CIRBP: variants seen among roughly 807,000 people sequenced by gnomAD.
The protein encoded by CIRBP is cold inducible RNA binding protein, also known as cold-inducible RNA-binding protein.
Under a neutral mutation model 22.3 loss-of-function variants are expected in CIRBP, and 11 were observed. The ratio of observed to expected loss-of-function variants is 0.49; its 90% CI spans 0.31 to 0.82. The LOEUF is 0.82. CIRBP is among the 40% of genes least tolerant of loss of function. The pLI, the probability that CIRBP is intolerant of heterozygous loss-of-function variation, is 0.05. For missense variants in CIRBP, 456 were observed against 402.7 expected, an observed-to-expected ratio of 1.13 and a Z score of -1.13; for synonymous variants, 216 against 158.8, an observed-to-expected ratio of 1.36 and a Z score of -2.71.
chr19:1,270,039 A>C, intron 1 of CIRBP: 1 of 519,856 alleles, frequency 1.9e-6, no homozygotes, highest in Non-Finnish European at 3.8e-6. Flanking sequence ...CAGCCAGTGA[A>C]TGCTTTGTCT....
In CIRBP at chr19:1,271,071, G is replaced by C. The variant is rs770727594; in HGVS notation, c.103+35G>C. ...CTGCTGGGCCCGCGGCCCTGGGCGG[G>C]GGGGCTTGTGCTCCTCCTACCTGGA... On this transcript the variant is annotated intron_variant, in intron 2 of 5. Transcript: ENST00000587896. 3.0e-5 allele frequency: 48 copies of C among 1,611,188 alleles called. 1 individual carries two copies. Among genetic ancestry groups the C allele is most frequent in the Middle Eastern group, 1.7e-4 (1 of 6,060 alleles).
chr19:1,269,878 C>G (rs767997861), intron 1 of CIRBP: 1 of 519,912 alleles, frequency 1.9e-6, no homozygotes, highest in Non-Finnish European at 3.8e-6. Context: ...AAAGGACGGC[C>G]TCGTAAATCT....
Position 1,272,227 on chromosome 19 carries a change from T to C in CIRBP, c.678T>C (p.Asn226=), listed in dbSNP as rs1439844837. Reference sequence around the variant, plus strand: ...TCTATCGCAGGACGCAAAAGCCAAATGAGACTGACCAAAAAGGCAAGGGAG... The same window carrying C: ...TCTATCGCAGGACGCAAAAGCCAAACGAGACTGACCAAAAAGGCAAGGGAG... ...SHFYRRTQKP[N]ETDQKGKGER... Residue 226 remains asparagine (N), a synonymous_variant, in exon 6 of 6, where the codon AAT becomes AAC. Coordinates refer to ENST00000587896, the MANE Select transcript of CIRBP (RefSeq NM_001300829.2). 4 of 1,597,960 alleles carry C rather than the reference T, an allele frequency of 2.5e-6. No homozygotes were observed. The highest frequency in any genetic ancestry group is 2.7e-5 in the African/African-American group (2 of 74,846).
At position 1,274,667 on chromosome 19, in the gene CIRBP, G is replaced by C. The variant is rs370754154; in HGVS notation, c.*2224G>C. 4.8e-6 allele frequency: 1 copy of C among 207,840 alleles called. No homozygotes were observed. The highest frequency in any genetic ancestry group is 9.5e-6 in the Non-Finnish European group (1 of 104,880). The allele number at this position is 207,840 out of a possible 1,614,324, so 12.9% of individuals were successfully genotyped here. On this transcript the variant is annotated 3_prime_UTR_variant, in exon 6 of 6. Coordinates refer to ENST00000587896, the MANE Select transcript of CIRBP (RefSeq NM_001300829.2). The stretch of plus-strand genomic sequence containing the variant: ...CTTCCAGGAGGCGCTTCGCCAGTGA[G>C]GTGCGGGCTCAGGGCCTCGAGTCTC...
Position 1,272,230 on chromosome 19 carries a change from G to A in CIRBP, c.681G>A (p.Glu227=), listed in dbSNP as rs758218223. 57 of 1,599,034 alleles carry A rather than the reference G, an allele frequency of 3.6e-5. No individual in the cohort carries two copies. In the African/African-American group the frequency reaches 6.4e-4, roughly 18 times the overall value. ...HFYRRTQKPN[E]TDQKGKGERG... ...ATCGCAGGACGCAAAAGCCAAATGA[G>A]ACTGACCAAAAAGGCAAGGGAGAGC... is the stretch of plus-strand genomic sequence containing the variant. The change falls in exon 6 of 6, where the codon GAG becomes GAA. Residue 227 remains glutamate (E), a synonymous_variant. Transcript: ENST00000587896.
chr19:1,274,585 C>T lies in CIRBP; in HGVS notation c.*2142C>T, dbSNP rs1270031028. 3.0e-6 allele frequency: 1 copy of T among 331,504 alleles called. No individual in the cohort carries two copies. The highest frequency in any genetic ancestry group is 5.4e-6 in the Non-Finnish European group (1 of 183,656). The allele number at this position is 331,504 out of a possible 1,614,324, so 20.5% of individuals were successfully genotyped here. On this transcript the variant is annotated 3_prime_UTR_variant, in exon 6 of 6. Coordinates refer to ENST00000587896, the MANE Select transcript of CIRBP (RefSeq NM_001300829.2). ...GTGTTGGGTGCAGGGCAGCGCCTCC[C>T]GGGAGCGCCGGGTCCCCCGCCTGGA...
At chr19:1,269,802 C>A (rs544975608) in intron 1 of CIRBP, 2 of 512,788 alleles carry the variant, frequency 3.9e-6, no homozygotes, top group African/African-American at 1.9e-5. Flanking sequence ...TGGAGGTATC[C>A]ACACACCAAC....
chr19:1,271,139 G>A lies in CIRBP; in HGVS notation c.104-1G>A. Reference sequence around the variant, plus strand: ...ACTGCAGACCTCTCTCCCCTGCACAGTGGTGGTTGTGAAAGACAGGGAGAC... The same window carrying A: ...ACTGCAGACCTCTCTCCCCTGCACAATGGTGGTTGTGAAAGACAGGGAGAC... On this transcript the variant is annotated splice_acceptor_variant, in intron 2 of 5. Coordinates refer to ENST00000587896, the MANE Select transcript of CIRBP (RefSeq NM_001300829.2). LOFTEE classifies it high-confidence loss of function. 6.2e-7 allele frequency: 1 copy of A among 1,613,966 alleles called. No individual in the cohort carries two copies. The highest frequency in any genetic ancestry group is 8.5e-7 in the Non-Finnish European group (1 of 1,179,900).
At position 1,272,679 on chromosome 19, in the gene CIRBP, GA is replaced by G; in HGVS notation, c.*240del. 1 of 408,134 alleles carries G rather than the reference GA, an allele frequency of 2.5e-6. No homozygotes were observed. Among genetic ancestry groups the G allele is most frequent in the Non-Finnish European group, 4.4e-6 (1 of 229,054 alleles). 25.3% of individuals were successfully genotyped at this position (408,134 alleles called of 1,614,324 possible). ...TTTTTGAGGGTTTTCAAAACATTTT[GA>G]AAAGCATTTACTTTTTTGACCACGA... On this transcript the variant is annotated 3_prime_UTR_variant, in exon 6 of 6. Coordinates refer to ENST00000587896, the MANE Select transcript of CIRBP (RefSeq NM_001300829.2).
Position 1,271,342 on chromosome 19 carries a change from G to A in CIRBP, c.224G>A (p.Arg75Gln). The A allele has an allele frequency of 3.1e-6, 5 of 1,614,022 alleles. No individual in the cohort carries two copies. The highest frequency in any genetic ancestry group is 4.2e-6 in the Non-Finnish European group (5 of 1,180,038). The change falls in exon 4 of 6, where the codon CGG becomes CAG. Residue 75 changes from arginine (R) to glutamine (Q), a missense_variant. Coordinates refer to ENST00000587896, the MANE Select transcript of CIRBP (RefSeq NM_001300829.2). ...MAMNGKSVDG[R>Q]QIRVDQAGKS... ...CTCTGTCTCCAGTCTGTAGATGGAC[G>A]GCAGATCCGAGTAGACCAGGCAGGC...
In CIRBP at chr19:1,269,368, G is replaced by A. The variant is rs937826792; in HGVS notation, c.-49G>A. The A allele has an allele frequency of 3.3e-5, 5 of 151,994 alleles. No homozygotes were observed. Among genetic ancestry groups the A allele is most frequent in the Non-Finnish European group, 5.9e-5 (4 of 67,990 alleles). The allele number at this position is 151,994 out of a possible 1,614,324, so 9.4% of individuals were successfully genotyped here. A position where few individuals can be genotyped will look rare whatever the true frequency, so the allele number is the denominator to read the frequency against. ...GTTAGGAGGCTCGGGTCGTTGTGGT[G>A]CGCTGTCTTCCCGCTTGCGTCAGGG... On this transcript the variant is annotated 5_prime_UTR_variant, in exon 1 of 6. Coordinates refer to ENST00000587896, the MANE Select transcript of CIRBP (RefSeq NM_001300829.2).
Position 1,274,015 on chromosome 19 carries a change from C to T in CIRBP, c.*1572C>T, listed in dbSNP as rs889316151. ...GCTCAATTGACCGTCTTTTCCAGAC[C>T]TCTTTAAGTCACACTCTTAACTTAG... On this transcript the variant is annotated 3_prime_UTR_variant, in exon 6 of 6. Coordinates refer to ENST00000587896, the MANE Select transcript of CIRBP (RefSeq NM_001300829.2). The T allele has an allele frequency of 1.0e-5, 3 of 292,082 alleles. No individual in the cohort carries two copies. Among genetic ancestry groups the T allele is most frequent in the Non-Finnish European group, 1.9e-5 (3 of 158,886 alleles). 18.1% of individuals were successfully genotyped at this position (292,082 alleles called of 1,614,324 possible). A position where few individuals can be genotyped will look rare whatever the true frequency, so the allele number is the denominator to read the frequency against.
At position 1,274,085 on chromosome 19, in the gene CIRBP, C is replaced by G; in HGVS notation, c.*1642C>G. 1 of 384,408 alleles carries G rather than the reference C, an allele frequency of 2.6e-6. No homozygotes were observed. The allele number at this position is 384,408 out of a possible 1,614,324, so 23.8% of individuals were successfully genotyped here. A position where few individuals can be genotyped will look rare whatever the true frequency, so the allele number is the denominator to read the frequency against. ...CCGCCATTAGTTTTTTTCTAGAGCC[C>G]ACACTGGCCCACATAGCTCCATCCC... On this transcript the variant is annotated 3_prime_UTR_variant, in exon 6 of 6. Transcript: ENST00000587896.
chr19:1,271,087 C>A, intron 2 of CIRBP, 51 bp downstream of exon 2: 1 of 1,610,872 alleles, frequency 6.2e-7, no homozygotes, highest in Non-Finnish European at 8.5e-7. Flanking sequence ...TTGTGCTCCT[C>A]CTACCTGGAA....
At chr19:1,271,929 G>A (rs1383923071) in intron 5 of CIRBP, 52 bp from the exon 6 acceptor site, 7 of 1,513,882 alleles carry the variant, frequency 4.6e-6, no homozygotes. Context: ...TGTTGTGGCA[G>A]AGCAGAAGTA....
intron 1 of CIRBP, among the ~76,000 whole-genome samples, chr19:1,270,703 G>A (rs145686318): frequency 3.3e-4 from 50 of 152,248 alleles, no homozygotes; most frequent in African/African-American, 1.1e-3. Flanking sequence ...AGCCCAGGAG[G>A]TGGAGGCTGC....
rs573231162 is a variant in CIRBP at position 1,272,842 on chromosome 19, G to A, written c.*399G>A. Reference sequence around the variant, plus strand: ...CCCACTCACTTCTCTGAGATCGAACGGACTGTGAATCCGCTCTTTGTCGGA... The same window carrying A: ...CCCACTCACTTCTCTGAGATCGAACAGACTGTGAATCCGCTCTTTGTCGGA... On this transcript the variant is annotated 3_prime_UTR_variant, in exon 6 of 6. Transcript: ENST00000587896. The A allele has an allele frequency of 1.5e-4, 24 of 163,250 alleles. No individual in the cohort carries two copies. The highest frequency in any genetic ancestry group is 2.8e-4 in the Non-Finnish European group (21 of 75,066). The allele number at this position is 163,250 out of a possible 1,614,324, so 10.1% of individuals were successfully genotyped here. A position where few individuals can be genotyped will look rare whatever the true frequency, so the allele number is the denominator to read the frequency against.
chr19:1,272,476 G>C lies in CIRBP; in HGVS notation c.*33G>C, dbSNP rs775008029. 21 of 1,488,394 alleles carry C rather than the reference G, an allele frequency of 1.4e-5. No homozygotes were observed. The highest frequency in any genetic ancestry group is 9.0e-7 in the Non-Finnish European group (1 of 1,106,584). The allele number at this position is 1,488,394 out of a possible 1,614,324, so 92.2% of individuals were successfully genotyped here. A position where few individuals can be genotyped will look rare whatever the true frequency, so the allele number is the denominator to read the frequency against. On this transcript the variant is annotated 3_prime_UTR_variant, in exon 6 of 6. Transcript: ENST00000587896. ...TCCTGCTCAAGATCGTCCTTCCAAT[G>C]GCTGTGTGTTTAAAGATTGTGGGAG...
chr19:1,270,895 C>G (rs531528676), intron 1 of CIRBP, 33 bp from the exon 2 acceptor site: 2 of 1,384,648 alleles, frequency 1.4e-6, no homozygotes, highest in South Asian at 1.2e-5. Flanking sequence ...GAGAGATGAC[C>G]CCTGTTGAGG....
Sources: allele counts gnomAD v4.1 joint callset (sites outside exome capture counted in the v4.1 genomes callset), GRCh38; gene constraint gnomAD v4.1.1; transcripts MANE v1.5; gene names NCBI Gene and HGNC (gene_info 2026-07-23, HGNC 2026-07-21).